The following ZNF804B variants were observed in gnomAD, a reference collection of about 807,000 sequenced individuals.
The protein encoded by ZNF804B is zinc finger 804B.
A neutral mutation model predicts 101.4 loss-of-function variants in ZNF804B; 80 were observed. The observed-to-expected ratio is 0.79, with a 90% CI of 0.66 to 0.95. The LOEUF (loss-of-function observed/expected upper bound fraction) is 0.95. Ranked by LOEUF, ZNF804B falls within the 40% of genes least tolerant of loss-of-function variation. The pLI, the probability that ZNF804B is intolerant of heterozygous loss-of-function variation, is 0.00. For missense variants in ZNF804B, 1,673 were observed against 1,561.9 expected (o/e 1.07, Z -1.20); for synonymous variants, 622 against 558.8 (o/e 1.11, Z -1.59).
rs573174645 is a variant in ZNF804B at position 89,085,213 on chromosome 7, A to G, written c.109-132942A>G. ...ACATTCATAAATTGACATGTTTTCT[A>G]TGTTTGAGATTTTCTACTTTCTTCC... is the stretch of plus-strand genomic sequence containing the variant. On this transcript the variant is annotated intron_variant, in intron 1 of 3. Coordinates refer to ENST00000333190, the MANE Select transcript of ZNF804B (RefSeq NM_181646.5). Among the ~76,000 whole-genome samples, 46 of 152,034 alleles carry G rather than the reference A, an allele frequency of 3.0e-4. No homozygotes were observed. The South Asian group carries it at 8.9e-3, about 29-fold the overall frequency.
chr7:89,300,610 T>C (rs980821472), intron 2 of ZNF804B, among the ~76,000 whole-genome samples: 16 of 151,740 alleles, frequency 1.1e-4, no homozygotes, highest in African/African-American at 3.6e-4. Context: ...ATTTGAGTCA[T>C]AGAAAAAAGT....
intron 2 of ZNF804B, among the ~76,000 whole-genome samples, chr7:89,263,186 C>T (rs1279101597): frequency 6.6e-6 from 1 of 152,152 alleles, no homozygotes; most frequent in Non-Finnish European, 1.5e-5. Context: ...ATATTCCTAC[C>T]TCGGGACTTT....
intron 2 of ZNF804B, among the ~76,000 whole-genome samples, chr7:89,288,101 T>C (rs892978955): frequency 3.9e-5 from 6 of 152,086 alleles, no homozygotes; most frequent in African/African-American, 1.4e-4. Flanking sequence ...AAAATAATTA[T>C]GCTTAATGAG....
intron 2 of ZNF804B, among the ~76,000 whole-genome samples, chr7:89,264,156 A>T (rs1208836): frequency 0.77 from 116,751 of 152,040 alleles, 45,959 homozygotes; most frequent in African/African-American, 0.93. Flanking sequence ...GTGTTAGGGA[A>T]CCTCTGCCAT....
intron 2 of ZNF804B, among the ~76,000 whole-genome samples, chr7:89,265,275 T>A (rs1178334614): frequency 1.0e-5 from 1 of 96,204 alleles, no homozygotes; most frequent in Non-Finnish European, 2.1e-5. Context: ...AGTGTGTGTG[T>A]GTGTGTGTGT....
intron 1 of ZNF804B, among the ~76,000 whole-genome samples, chr7:89,131,668 A>T (rs2189066): frequency 0.27 from 40,826 of 151,968 alleles, 5,524 homozygotes; most frequent in Admixed American, 0.32. Context: ...CTTATGTGTG[A>T]TTCTTAAGAA....
At chr7:88,866,251 CTG>C (rs1191700856) in intron 1 of ZNF804B, among the ~76,000 whole-genome samples, 3 of 152,114 alleles carry the variant, frequency 2.0e-5, no homozygotes, top group African/African-American at 7.2e-5. Flanking sequence ...TGATGATTAT[CTG>C]TGATAGAGTC....
chr7:88,863,317 A>G (rs558937981), intron 1 of ZNF804B, among the ~76,000 whole-genome samples: 1 of 152,224 alleles, frequency 6.6e-6, no homozygotes, highest in Non-Finnish European at 1.5e-5. Context: ...CTTGTCCTCC[A>G]GAAAAAGCTG....
chr7:89,113,392 A>C (rs997841739), intron 1 of ZNF804B, among the ~76,000 whole-genome samples: 2 of 152,172 alleles, frequency 1.3e-5, no homozygotes, highest in African/African-American at 4.8e-5. Context: ...AAATAGCATA[A>C]AGAGTGAAAG....
intron 1 of ZNF804B, among the ~76,000 whole-genome samples, chr7:88,805,327 A>T (rs961504864): frequency 2.0e-5 from 3 of 152,220 alleles, no homozygotes; most frequent in Non-Finnish European, 4.4e-5. Context: ...TTTTTATTCC[A>T]TGTAACTAGA....
At chr7:88,815,954 C>A (rs1790868583) in intron 1 of ZNF804B, among the ~76,000 whole-genome samples, 1 of 152,184 alleles carries the variant, frequency 6.6e-6, no homozygotes, top group Non-Finnish European at 1.5e-5. Context: ...TTCCACCCTT[C>A]TTGGTTTCTG....
intron 1 of ZNF804B, among the ~76,000 whole-genome samples, chr7:89,131,660 T>G (rs996781872): frequency 3.9e-5 from 6 of 152,056 alleles, no homozygotes; most frequent in African/African-American, 1.4e-4. Context: ...ATGAACTACT[T>G]ATGTGTGATT....
chr7:88,784,939 G>A (rs908371902), intron 1 of ZNF804B, among the ~76,000 whole-genome samples: 7 of 151,868 alleles, frequency 4.6e-5, no homozygotes, highest in Non-Finnish European at 8.8e-5. Flanking sequence ...ATTTTCCGTA[G>A]GCATTTCTCA....
At chr7:89,121,774 T>C (rs935730449) in intron 1 of ZNF804B, among the ~76,000 whole-genome samples, 2 of 152,178 alleles carry the variant, frequency 1.3e-5, no homozygotes, top group South Asian at 4.1e-4. Flanking sequence ...TTAGTGTTTA[T>C]TTCTAATTTA....
intron 1 of ZNF804B, among the ~76,000 whole-genome samples, chr7:89,007,526 ATATC>A (rs1319572396): frequency 5.1e-5 from 3 of 58,926 alleles, no homozygotes; most frequent in East Asian, 3.3e-4. Context: ...ATAATATAAT[ATATC>A]TATTATAATT....
chr7:89,215,710 C>T (rs969432254), intron 1 of ZNF804B, among the ~76,000 whole-genome samples: 12 of 151,352 alleles, frequency 7.9e-5, no homozygotes, highest in African/African-American at 2.9e-4. Flanking sequence ...GGTGAAATCC[C>T]GCCTCTACTA....
At position 89,102,804 on chromosome 7, in the gene ZNF804B, T is replaced by A. The variant is rs1289824173; in HGVS notation, c.109-115351T>A. On this transcript the variant is annotated intron_variant, in intron 1 of 3. Transcript: ENST00000333190. The stretch of plus-strand genomic sequence containing the variant: ...CCTAGGTTTTCTTCTAATATTTTTA[T>A]AGTTTCAGGTCCTACATTTAGGTGT... 2.0e-5 allele frequency among the ~76,000 whole-genome samples: 3 copies of A among 151,970 alleles called. No homozygotes were observed. In the South Asian group the frequency reaches 6.2e-4, roughly 31 times the overall value.
chr7:89,268,196 A>G (rs752009354), intron 2 of ZNF804B, among the ~76,000 whole-genome samples: 3 of 152,150 alleles, frequency 2.0e-5, no homozygotes, highest in Non-Finnish European at 4.4e-5. Flanking sequence ...ACATTATTCA[A>G]TGCTGTATTT....
intron 1 of ZNF804B, among the ~76,000 whole-genome samples, chr7:88,825,378 CCATAGGT>C (rs1791038126): frequency 6.6e-6 from 1 of 151,718 alleles, no homozygotes; most frequent in Non-Finnish European, 1.5e-5. Context: ...AGTCCAAAGA[CCATAGGT>C]CACTAGTCTC....
Sources: gnomAD v4.1 joint callset for allele counts (sites outside exome capture counted in the v4.1 genomes callset) on GRCh38, gnomAD v4.1.1 for gene constraint, MANE v1.5 for transcripts, NCBI Gene and HGNC (gene_info 2026-07-23, HGNC 2026-07-21) for gene names.